Variants in ATP2C1 observed in about 807,000 individuals in gnomAD.
The protein encoded by ATP2C1 is calcium-transporting ATPase type 2C member 1.
A neutral mutation model predicts 120.5 loss-of-function variants in ATP2C1; 31 were observed. The observed-to-expected ratio is 0.26, with a 90% CI of 0.19 to 0.35. The LOEUF (loss-of-function observed/expected upper bound fraction) is 0.35. Among genes scored for constraint, ATP2C1 ranks in the 10% least tolerant of loss-of-function variants. ATP2C1 has a pLI of 1.00. For synonymous variants in ATP2C1, 351 were observed against 358.7 expected (o/e 0.98, Z 0.24); for missense variants, 731 against 1,107.5 (o/e 0.66, Z 4.83).
intron 2 of ATP2C1, among the ~76,000 whole-genome samples, chr3:130,916,526 A>C (rs770419795): frequency 3.0e-4 from 45 of 152,054 alleles, no homozygotes; most frequent in Admixed American, 6.5e-5. Context: ...TTTGTGCTTA[A>C]ATTTATATAT....
At chr3:131,014,485 G>A in intron 26 of ATP2C1, 17 of 1,139,380 alleles carry the variant, frequency 1.5e-5, no homozygotes, top group Admixed American at 2.7e-5. Flanking sequence ...TCTAAACAAT[G>A]AGAGCTCTTA....
intron 5 of ATP2C1, among the ~76,000 whole-genome samples, chr3:130,935,606 A>G (rs543375740): frequency 3.9e-4 from 59 of 152,340 alleles, no homozygotes; most frequent in Non-Finnish European, 7.2e-4. Context: ...ATGTGAGGTC[A>G]CAACCATTTT....
intron 2 of ATP2C1, among the ~76,000 whole-genome samples, chr3:130,897,014 C>T (rs551871529): frequency 1.1e-4 from 16 of 152,266 alleles, no homozygotes; most frequent in East Asian, 5.8e-4. Context: ...TGTAAACATT[C>T]AAACAGTATC....
chr3:130,862,626 G>A (rs2068053818), intron 1 of ATP2C1, among the ~76,000 whole-genome samples: 1 of 152,078 alleles, frequency 6.6e-6, no homozygotes, highest in Non-Finnish European at 1.5e-5. Flanking sequence ...CATACTTCAG[G>A]TGCTGAGCAC....
Position 130,998,421 on chromosome 3 carries a change from G to C in ATP2C1, c.2487+32G>C, listed in dbSNP as rs751014371. 3 of 1,472,586 alleles carry C rather than the reference G, an allele frequency of 2.0e-6. No homozygotes were observed. The South Asian group carries it at 3.4e-5, about 17-fold the overall frequency. 91.2% of individuals were successfully genotyped at this position (1,472,586 alleles called of 1,614,324 possible). On this transcript the variant is annotated intron_variant, in intron 26 of 27. Transcript: ENST00000510168. ...TTAGGTGAACTTAGTTGATTGACTT[G>C]ATTGACTCACTTGAGTAGAGTGCTT...
chr3:130,989,285 A>G (rs2062186620), intron 20 of ATP2C1, among the ~76,000 whole-genome samples: 1 of 148,738 alleles, frequency 6.7e-6, no homozygotes, highest in Admixed American at 6.7e-5. Flanking sequence ...ACACAAAAAA[A>G]CGGCTGGGTG....
intron 2 of ATP2C1, among the ~76,000 whole-genome samples, chr3:130,898,568 A>T (rs1188979713): frequency 6.6e-6 from 1 of 152,186 alleles, no homozygotes; most frequent in Non-Finnish European, 1.5e-5. Flanking sequence ...ACTAAAAGAG[A>T]TTATATATAT....
At chr3:130,870,660 T>A (rs1477723266) in intron 1 of ATP2C1, among the ~76,000 whole-genome samples, 2 of 152,222 alleles carry the variant, frequency 1.3e-5, no homozygotes, top group African/African-American at 4.8e-5. Flanking sequence ...GTTGAACAGA[T>A]GAGGAATTGC....
intron 1 of ATP2C1, among the ~76,000 whole-genome samples, chr3:130,863,365 T>G (rs1181910653): frequency 2.0e-5 from 3 of 152,036 alleles, no homozygotes. Flanking sequence ...TACAAATAGA[T>G]CTCTATACTC....
chr3:130,865,786 T>A (rs2068157405), intron 1 of ATP2C1, among the ~76,000 whole-genome samples: 1 of 152,212 alleles, frequency 6.6e-6, no homozygotes, highest in Non-Finnish European at 1.5e-5. Context: ...GAACTGTAAG[T>A]CCAATTAAAC....
At chr3:130,902,458 T>C (rs1388574405) in intron 2 of ATP2C1, among the ~76,000 whole-genome samples, 1 of 151,972 alleles carries the variant, frequency 6.6e-6, no homozygotes, top group Non-Finnish European at 1.5e-5. Context: ...CAGTATTTAG[T>C]GTTCACCTAG....
chr3:131,014,354 G>T (rs766593932), intron 26 of ATP2C1: 1 of 1,608,896 alleles, frequency 6.2e-7, no homozygotes, highest in Non-Finnish European at 8.5e-7. Context: ...GCAGTTGCTG[G>T]CATAGTCCGT....
intron 1 of ATP2C1, among the ~76,000 whole-genome samples, chr3:130,886,590 A>G (rs1176987367): frequency 6.6e-6 from 1 of 152,004 alleles, no homozygotes; most frequent in South Asian, 2.1e-4. Flanking sequence ...CTACATGTTC[A>G]CTATTTATTT....
In ATP2C1 at chr3:130,993,179, T is replaced by C. The variant is rs1279508739; in HGVS notation, c.1890+178T>C. 2.6e-5 allele frequency among the ~76,000 whole-genome samples: 4 copies of C among 152,120 alleles called. No homozygotes were observed. In the South Asian group the frequency reaches 6.2e-4, roughly 24 times the overall value. ...ACACTAATAGAGAATTTAGTTGGCATAAGATGTAGAAGAAAACTTGAATGA... is the reference window on the plus strand; with the variant it reads ...ACACTAATAGAGAATTTAGTTGGCACAAGATGTAGAAGAAAACTTGAATGA... On this transcript the variant is annotated intron_variant, in intron 21 of 27. Coordinates refer to ENST00000510168, the MANE Select transcript of ATP2C1 (RefSeq NM_001378687.1).
intron 20 of ATP2C1, among the ~76,000 whole-genome samples, chr3:130,985,063 C>T (rs2061938137): frequency 6.6e-6 from 1 of 152,202 alleles, no homozygotes; most frequent in South Asian, 2.1e-4. Flanking sequence ...TTATCTTTCA[C>T]AAATGCAGAT....
chr3:131,008,401 G>A (rs2063194950), intron 26 of ATP2C1, among the ~76,000 whole-genome samples: 1 of 149,886 alleles, frequency 6.7e-6, no homozygotes, highest in Non-Finnish European at 1.5e-5. Context: ...ACTCCAGCCT[G>A]GGCAACAGAA....
intron 5 of ATP2C1, among the ~76,000 whole-genome samples, chr3:130,935,133 T>G (rs1409121166): frequency 6.6e-6 from 1 of 152,178 alleles, no homozygotes; most frequent in African/African-American, 2.4e-5. Flanking sequence ...TGTGCCTGGC[T>G]CAAATTCTGC....
At chr3:130,854,550 T>C (rs150158754) in intron 1 of ATP2C1, among the ~76,000 whole-genome samples, 368 of 152,322 alleles carry the variant, frequency 2.4e-3, no homozygotes, top group African/African-American at 8.5e-3. Flanking sequence ...CAGCCTGATC[T>C]GTGGCTCAGG....
At chr3:130,908,597 C>A (rs112004290) in intron 2 of ATP2C1, among the ~76,000 whole-genome samples, 2,097 of 152,196 alleles carry the variant, frequency 0.014, 44 homozygotes, top group African/African-American at 0.048. Context: ...AATCCTTTCT[C>A]ATTACTTGAC....
Sources: allele counts gnomAD v4.1 joint callset (sites outside exome capture counted in the v4.1 genomes callset), GRCh38; gene constraint gnomAD v4.1.1; transcripts MANE v1.5; gene names NCBI Gene and HGNC (gene_info 2026-07-23, HGNC 2026-07-21).